Variants in KLHL32 observed in about 807,000 individuals in gnomAD.
KLHL32 encodes the protein kelch-like protein 32.
In KLHL32, 35 loss-of-function variants were observed where a neutral mutation model predicts 64.8. The observed-to-expected ratio is 0.54, with a 90% confidence interval of 0.41 to 0.72. The LOEUF is 0.72. Ranked by LOEUF, KLHL32 falls within the 30% of genes least tolerant of loss-of-function variation. The probability of loss-of-function intolerance (pLI) is 0.00; values close to 1 mark genes in which losing one functional copy is unlikely to be tolerated. For missense variants in KLHL32, 589 were observed against 768.5 expected, an observed-to-expected ratio of 0.77 and a Z score of 2.76; for synonymous variants, 259 against 281.0, an observed-to-expected ratio of 0.92 and a Z score of 0.78.
intron 10 of KLHL32, among the ~76,000 whole-genome samples, chr6:97,135,315 T>C (rs1009004714): frequency 8.6e-6 from 1 of 116,906 alleles, no homozygotes; most frequent in Non-Finnish European, 1.9e-5. Flanking sequence ...TTTTTTTTTT[T>C]TTTTTTTCCT....
At chr6:97,037,155 T>C (rs1225999262) in intron 3 of KLHL32, among the ~76,000 whole-genome samples, 1 of 152,048 alleles carries the variant, frequency 6.6e-6, no homozygotes, top group Admixed American at 6.5e-5. Flanking sequence ...TTTTTTCAAA[T>C]TGTATTTAAA....
the KLHL32 span, among the ~76,000 whole-genome samples, chr6:96,902,281 A>T: frequency 6.6e-6 from 1 of 152,094 alleles, no homozygotes; most frequent in Non-Finnish European, 1.5e-5. Context: ...TGACATTTTA[A>T]TAATAGCCAT....
chr6:96,916,012 A>T, the KLHL32 span, among the ~76,000 whole-genome samples: 2 of 152,236 alleles, frequency 1.3e-5, no homozygotes, highest in African/African-American at 4.8e-5. Flanking sequence ...AATTAAAAGG[A>T]GTTTAATTGA....
At chr6:97,095,883 C>T (rs577051732) in intron 6 of KLHL32, among the ~76,000 whole-genome samples, 103 of 152,246 alleles carry the variant, frequency 6.8e-4, no homozygotes, top group African/African-American at 2.5e-3. Context: ...AAAACAAAAA[C>T]TCTGAGATTT....
chr6:97,008,440 G>A (rs1779938559), intron 3 of KLHL32, among the ~76,000 whole-genome samples: 2 of 152,108 alleles, frequency 1.3e-5, no homozygotes, highest in Admixed American at 1.3e-4. Flanking sequence ...ACCCTGCTGT[G>A]TCCAGGTATG....
chr6:97,083,054 T>G (rs1251594586), intron 5 of KLHL32, among the ~76,000 whole-genome samples: 2 of 152,172 alleles, frequency 1.3e-5, no homozygotes, highest in Non-Finnish European at 2.9e-5. Flanking sequence ...TTTTCATACA[T>G]TATCTTTATG....
chr6:96,904,201 G>A, the KLHL32 span, among the ~76,000 whole-genome samples: 1 of 151,872 alleles, frequency 6.6e-6, no homozygotes, highest in East Asian at 1.9e-4. Context: ...AATTTTCCAG[G>A]CATGATGGTG....
intron 8 of KLHL32, among the ~76,000 whole-genome samples, chr6:97,128,127 G>A (rs1799066101): frequency 6.6e-6 from 1 of 152,172 alleles, no homozygotes; most frequent in Admixed American, 6.5e-5. Flanking sequence ...ATTCCAAAAT[G>A]ATTTGTAGGC....
chr6:96,936,023 C>T (rs1334267171), intron 1 of KLHL32, among the ~76,000 whole-genome samples: 1 of 152,174 alleles, frequency 6.6e-6, no homozygotes, highest in Non-Finnish European at 1.5e-5. Context: ...TTTCTCAGCT[C>T]AGCCTGTCCC....
intron 5 of KLHL32, among the ~76,000 whole-genome samples, chr6:97,078,302 A>T (rs577626498): frequency 2.6e-5 from 4 of 152,228 alleles, no homozygotes; most frequent in African/African-American, 7.2e-5. Flanking sequence ...ATGCTACTAC[A>T]TCATGGGCAT....
chr6:97,076,414 T>A (rs975525065), intron 5 of KLHL32, among the ~76,000 whole-genome samples: 3 of 152,198 alleles, frequency 2.0e-5, no homozygotes, highest in South Asian at 4.1e-4. Context: ...CTTTTGAGAA[T>A]CCTTATCACA....
At chr6:96,965,951 A>G (rs10485381) in intron 1 of KLHL32, among the ~76,000 whole-genome samples, 34,691 of 152,168 alleles carry the variant, frequency 0.23, 4,631 homozygotes, top group African/African-American at 0.37. Flanking sequence ...ATAAAATGGA[A>G]TACTTAACCA....
chr6:97,106,028 A>T (rs544394947), intron 6 of KLHL32, among the ~76,000 whole-genome samples: 2 of 152,290 alleles, frequency 1.3e-5, no homozygotes, highest in East Asian at 3.9e-4. Context: ...CTTTGGGGTC[A>T]TAGTGTATAA....
intron 8 of KLHL32, among the ~76,000 whole-genome samples, chr6:97,130,133 A>G (rs187633096): frequency 6.6e-6 from 1 of 152,304 alleles, no homozygotes; most frequent in Admixed American, 6.5e-5. Flanking sequence ...GAGGTACCCA[A>G]TGATTATCAT....
chr6:96,957,947 CAG>C (rs2128020573), intron 1 of KLHL32, among the ~76,000 whole-genome samples: 1 of 152,226 alleles, frequency 6.6e-6, no homozygotes, highest in Non-Finnish European at 1.5e-5. Context: ...ATTTTTAAAA[CAG>C]AATACATTGT....
At position 97,140,540 on chromosome 6, in the gene KLHL32, C is replaced by T. The variant is rs983071709; in HGVS notation, c.*1258C>T. ...AATAAATACAACAACTTAATAATCA[C>T]ATTTGAAAACAAATTTAACAAGTAT... On this transcript the variant is annotated 3_prime_UTR_variant, in exon 11 of 11. Transcript: ENST00000369261. 2.6e-5 allele frequency: 4 copies of T among 151,996 alleles called. No individual in the cohort carries two copies. The highest frequency in any genetic ancestry group is 9.7e-5 in the African/African-American group (4 of 41,424). The allele number at this position is 151,996 out of a possible 1,614,324, so 9.4% of individuals were successfully genotyped here.
At chr6:96,994,420 T>G (rs1467825732) in intron 3 of KLHL32, 1 of 800,252 alleles carries the variant, frequency 1.2e-6, no homozygotes, top group Non-Finnish European at 1.5e-6. Flanking sequence ...TATTTATGTT[T>G]TTTTTCCTTT....
At chr6:97,011,403 T>C (rs1780389093) in intron 3 of KLHL32, among the ~76,000 whole-genome samples, 1 of 152,238 alleles carries the variant, frequency 6.6e-6, no homozygotes. Context: ...AGTTTTCTAA[T>C]AGTGATGACA....
intron 5 of KLHL32, among the ~76,000 whole-genome samples, chr6:97,079,889 T>G (rs1792220486): frequency 6.6e-6 from 1 of 152,186 alleles, no homozygotes; most frequent in Admixed American, 6.5e-5. Context: ...AAGATTTTCT[T>G]TTACTCAAGA....
Sources: gnomAD v4.1 joint callset for allele counts (sites outside exome capture counted in the v4.1 genomes callset) on GRCh38, gnomAD v4.1.1 for gene constraint, MANE v1.5 for transcripts, NCBI Gene and HGNC (gene_info 2026-07-23, HGNC 2026-07-21) for gene names.